The following OSBPL10 variants were observed in gnomAD, a reference collection of about 807,000 sequenced individuals.
The protein encoded by OSBPL10 is oxysterol-binding protein-related protein 10.
Under a neutral mutation model 81.7 loss-of-function variants are expected in OSBPL10, and 49 were observed. That is an observed-to-expected ratio of 0.60 (90% CI 0.48 to 0.76). OSBPL10 has a LOEUF of 0.76. Ranked by LOEUF, OSBPL10 falls within the 30% of genes least tolerant of loss-of-function variation. The pLI is 0.00. For missense variants in OSBPL10, 923 were observed against 987.8 expected (o/e 0.93, Z 0.88); for synonymous variants, 419 against 383.6 (o/e 1.09, Z -1.08).
At chr3:32,018,575 G>A (rs58048871) in intron 2 of OSBPL10, among the ~76,000 whole-genome samples, 9,673 of 152,210 alleles carry the variant, frequency 0.064, 587 homozygotes, top group East Asian at 0.32. Flanking sequence ...GTGAGGTCAT[G>A]TGTGCCTGTA....
chr3:31,709,121 C>CA, intron 6 of OSBPL10: 1 of 803,186 alleles, frequency 1.2e-6, no homozygotes, highest in Non-Finnish European at 1.5e-6. Context: ...GGATCTTATC[C>CA]TTGACAGGTC....
At chr3:31,699,119 A>G (rs544142278) in intron 7 of OSBPL10, among the ~76,000 whole-genome samples, 1 of 152,298 alleles carries the variant, frequency 6.6e-6, no homozygotes, top group Non-Finnish European at 1.5e-5. Context: ...ATGGTCCTAC[A>G]CCTGCAAGCT....
chr3:31,764,275 A>G (rs1424955290), intron 4 of OSBPL10, among the ~76,000 whole-genome samples: 2 of 152,236 alleles, frequency 1.3e-5, no homozygotes, highest in African/African-American at 4.8e-5. Context: ...AGTTCCACAT[A>G]TATCTCTCTC....
rs1015617767 is a variant in OSBPL10 at position 31,856,133 on chromosome 3, C to G, written c.537+20300G>C. ...ACACACACACGTTTTAATCTAAAGG[C>G]CTTCTTGACCTAAAATGATCTTCCT... On this transcript the variant is annotated intron_variant, in intron 3 of 11. Coordinates refer to ENST00000396556, the MANE Select transcript of OSBPL10 (RefSeq NM_017784.5). Among the ~76,000 whole-genome samples the G allele has an allele frequency of 4.0e-5, 6 of 149,086 alleles. No individual in the cohort carries two copies. The East Asian group carries it at 9.9e-4, about 25-fold the overall frequency.
At chr3:31,875,875 G>A (rs1030268041) in intron 3 of OSBPL10, among the ~76,000 whole-genome samples, 18 of 152,082 alleles carry the variant, frequency 1.2e-4, no homozygotes, top group Non-Finnish European at 8.8e-5. Flanking sequence ...TTTAATGAAT[G>A]TAAATCCTCC....
At chr3:31,899,594 C>A (rs1391069477) in intron 1 of OSBPL10, among the ~76,000 whole-genome samples, 1 of 152,078 alleles carries the variant, frequency 6.6e-6, no homozygotes, top group East Asian at 1.9e-4. Context: ...CTTTGAGAGG[C>A]CGAGGTGAGA....
intron 1 of OSBPL10, among the ~76,000 whole-genome samples, chr3:32,058,452 T>C (rs191733722): frequency 6.6e-6 from 1 of 152,228 alleles, no homozygotes; most frequent in East Asian, 1.9e-4. Flanking sequence ...CTCAGTTTCC[T>C]GAGTAATTGG....
intron 3 of OSBPL10, among the ~76,000 whole-genome samples, chr3:31,858,016 G>C (rs561655040): frequency 7.3e-4 from 106 of 144,692 alleles, no homozygotes; most frequent in Non-Finnish European, 1.3e-3. Flanking sequence ...TTTTTTTTGA[G>C]ACAAGGTCTC....
intron 1 of OSBPL10, among the ~76,000 whole-genome samples, chr3:31,962,408 G>A (rs1467726026): frequency 5.3e-5 from 8 of 152,046 alleles, no homozygotes; most frequent in South Asian, 2.1e-4. Flanking sequence ...AAAAAGTACC[G>A]GACATGAAAA....
intron 4 of OSBPL10, among the ~76,000 whole-genome samples, chr3:31,772,950 A>T: frequency 6.6e-6 from 1 of 151,590 alleles, no homozygotes; most frequent in East Asian, 1.9e-4. Context: ...GCAAGCCAGC[A>T]CTAGCCAAGA....
intron 2 of OSBPL10, chr3:31,989,211 G>A (rs545813324): frequency 2.0e-5 from 33 of 1,614,128 alleles, no homozygotes; most frequent in East Asian, 4.5e-5. Context: ...TGGACCCTAC[G>A]CAGAGGGCTT....
In OSBPL10 at chr3:31,846,063, A is replaced by AAT. The variant is rs144277566; in HGVS notation, c.538-15833_538-15832insAT. 7.0e-3 allele frequency among the ~76,000 whole-genome samples: 1,061 copies of AAT among 152,312 alleles called. 14 individuals carry two copies. Among genetic ancestry groups the AAT allele is most frequent in the African/African-American group, 0.025 (1,025 of 41,580 alleles). The stretch of plus-strand genomic sequence containing the variant: ...GGTCTCACTCTGTCACCCAGGATGA[A>AAT]GTGCAGCGGCACCATCTCTGCTCAC... On this transcript the variant is annotated intron_variant, in intron 3 of 11. Coordinates refer to ENST00000396556, the MANE Select transcript of OSBPL10 (RefSeq NM_017784.5).
At chr3:32,072,105 G>A (rs541351389) in intron 1 of OSBPL10, among the ~76,000 whole-genome samples, 15 of 152,092 alleles carry the variant, frequency 9.9e-5, no homozygotes, top group Admixed American at 4.6e-4. Context: ...GGAATTACGC[G>A]TCAATATTTA....
At chr3:31,887,021 G>A (rs561615256) in intron 1 of OSBPL10, among the ~76,000 whole-genome samples, 2 of 151,438 alleles carry the variant, frequency 1.3e-5, no homozygotes, top group Admixed American at 6.6e-5. Context: ...ACACCCCCAC[G>A]AACACACTAA....
intron 4 of OSBPL10, among the ~76,000 whole-genome samples, chr3:31,812,802 GAAAGAAAGAAAGAA>G (rs1559476475): frequency 9.4e-4 from 47 of 50,140 alleles, no homozygotes; most frequent in South Asian, 2.0e-3. Flanking sequence ...AAGAAAGAAA[GAAAGAAAGAAAGAA>G]AGAGAAAGAA....
chr3:31,814,896 G>T (rs1273382488), intron 4 of OSBPL10, among the ~76,000 whole-genome samples: 2 of 152,168 alleles, frequency 1.3e-5, no homozygotes, highest in Non-Finnish European at 2.9e-5. Flanking sequence ...AGAATTCTTT[G>T]CTCTCTTGCC....
chr3:31,841,672 G>A (rs1336511824), intron 3 of OSBPL10, among the ~76,000 whole-genome samples: 4 of 152,190 alleles, frequency 2.6e-5, no homozygotes, highest in Non-Finnish European at 5.9e-5. Flanking sequence ...AAAACCTACT[G>A]ACTGATGCAT....
chr3:32,035,597 A>T (rs1339702219), intron 2 of OSBPL10, among the ~76,000 whole-genome samples: 1 of 151,484 alleles, frequency 6.6e-6, no homozygotes, highest in East Asian at 1.9e-4. Context: ...AGACATGTTA[A>T]TTCATAAAAT....
At chr3:31,838,475 C>T (rs1403140998) in intron 3 of OSBPL10, among the ~76,000 whole-genome samples, 2 of 142,090 alleles carry the variant, frequency 1.4e-5, no homozygotes, top group African/African-American at 5.4e-5. Flanking sequence ...CACGAGACGG[C>T]ACTCCAGCCT....
Sources: gnomAD v4.1 joint callset for allele counts (sites outside exome capture counted in the v4.1 genomes callset) on GRCh38, gnomAD v4.1.1 for gene constraint, MANE v1.5 for transcripts, NCBI Gene and HGNC (gene_info 2026-07-23, HGNC 2026-07-21) for gene names.